The following CMSS1 variants were observed in gnomAD, a reference collection of about 807,000 sequenced individuals.
CMSS1 encodes protein CMSS1.
A neutral mutation model predicts 43.5 loss-of-function variants in CMSS1; 33 were observed. The observed-to-expected ratio is 0.76, with a 90% CI of 0.57 to 1.01. The LOEUF (loss-of-function observed/expected upper bound fraction) is 1.01, where lower values mean the gene tolerates loss of function less well. Ranked by LOEUF, CMSS1 falls within the 50% of genes least tolerant of loss-of-function variation. The pLI is 0.00. For synonymous variants in CMSS1, 115 were observed against 117.2 expected (o/e 0.98, Z 0.12); for missense variants, 313 against 326.4 (o/e 0.96, Z 0.32).
intron 1 of CMSS1, among the ~76,000 whole-genome samples, chr3:99,963,586 A>T (rs930949785): frequency 6.6e-6 from 1 of 152,114 alleles, no homozygotes; most frequent in Non-Finnish European, 1.5e-5. Flanking sequence ...CTTTGCCTTG[A>T]TGGTGTTACC....
intron 2 of CMSS1, among the ~76,000 whole-genome samples, chr3:100,155,937 T>A (rs2066968307): frequency 6.6e-6 from 1 of 152,212 alleles, no homozygotes; most frequent in African/African-American, 2.4e-5. Flanking sequence ...GAATCTTCTT[T>A]GCCCATGATT....
At position 99,817,985 on chromosome 3, in the gene CMSS1, A is replaced by C; in HGVS notation, c.6A>C (p.Ala2=). 1 of 1,614,066 alleles carries C rather than the reference A, an allele frequency of 6.2e-7. No homozygotes were observed. Among genetic ancestry groups the C allele is most frequent in the Non-Finnish European group, 8.5e-7 (1 of 1,180,000 alleles). ...ACGTCGAGACCTGAGCTGAAATGGC[A>C]GACGATCTCGGAGACGAGTGGTGGG... M[A]DDLGDEWWEN... is the part of the protein sequence containing the mutation. Residue 2 remains alanine (A), a synonymous_variant, in exon 1 of 10, where the codon GCA becomes GCC. Coordinates refer to ENST00000421999, the MANE Select transcript of CMSS1 (RefSeq NM_032359.4).
intron 1 of CMSS1, among the ~76,000 whole-genome samples, chr3:99,903,822 C>A (rs1237742439): frequency 2.0e-5 from 3 of 152,128 alleles, no homozygotes; most frequent in Non-Finnish European, 4.4e-5. Context: ...CTACACAATG[C>A]TCTTTTCTTA....
intron 1 of CMSS1, among the ~76,000 whole-genome samples, chr3:99,893,358 G>A (rs559119570): frequency 6.6e-6 from 1 of 151,984 alleles, no homozygotes; most frequent in Non-Finnish European, 1.5e-5. Flanking sequence ...GTGGAGACGG[G>A]GTTTCACTGT....
chr3:100,078,566 C>T (rs965304809), intron 1 of CMSS1, among the ~76,000 whole-genome samples: 1 of 151,858 alleles, frequency 6.6e-6, no homozygotes, highest in Non-Finnish European at 1.5e-5. Context: ...TAAAATACAC[C>T]AACACTAGCG....
intron 1 of CMSS1, among the ~76,000 whole-genome samples, chr3:99,877,046 C>T (rs1191286390): frequency 6.6e-6 from 1 of 152,146 alleles, no homozygotes; most frequent in East Asian, 1.9e-4. Flanking sequence ...AGAATATTAT[C>T]CTCTAGTATG....
chr3:99,991,796 A>T (rs952536740), intron 1 of CMSS1, among the ~76,000 whole-genome samples: 2 of 151,464 alleles, frequency 1.3e-5, no homozygotes, highest in Admixed American at 6.6e-5. Context: ...CTTTTTCTAA[A>T]GCCAGTAAAT....
At chr3:100,049,232 C>A (rs1185989581) in intron 1 of CMSS1, among the ~76,000 whole-genome samples, 1 of 152,114 alleles carries the variant, frequency 6.6e-6, no homozygotes, top group African/African-American at 2.4e-5. Flanking sequence ...ATCATGGTAA[C>A]AAATAAACTG....
chr3:99,906,928 A>C (rs1472224874), intron 1 of CMSS1, among the ~76,000 whole-genome samples: 1 of 152,248 alleles, frequency 6.6e-6, no homozygotes, highest in Non-Finnish European at 1.5e-5. Context: ...CATGTGGATG[A>C]AGACAACTCT....
At chr3:99,977,447 G>A (rs902342285) in intron 1 of CMSS1, among the ~76,000 whole-genome samples, 1 of 152,166 alleles carries the variant, frequency 6.6e-6, no homozygotes, top group Non-Finnish European at 1.5e-5. Flanking sequence ...ATGGGCAATA[G>A]AAGTGGAGTC....
At chr3:99,845,158 G>T (rs541851896) in intron 1 of CMSS1, among the ~76,000 whole-genome samples, 1 of 152,140 alleles carries the variant, frequency 6.6e-6, no homozygotes, top group Non-Finnish European at 1.5e-5. Flanking sequence ...TTTCTTATGT[G>T]TACAGATTCA....
chr3:99,974,497 G>A (rs1050012826), intron 1 of CMSS1, among the ~76,000 whole-genome samples: 1 of 152,158 alleles, frequency 6.6e-6, no homozygotes, highest in Non-Finnish European at 1.5e-5. Context: ...ATCACCTGAG[G>A]TCAGGAGTTC....
chr3:100,078,071 C>T lies in CMSS1; in HGVS notation c.65-68902C>T, dbSNP rs575057374. Among the ~76,000 whole-genome samples, 169 of 150,080 alleles carry T rather than the reference C, an allele frequency of 1.1e-3. 1 individual carries two copies. The highest frequency in any genetic ancestry group is 1.8e-3 in the Non-Finnish European group (119 of 67,674). Reference sequence around the variant, plus strand: ...ATCCTATTTATAAGTTAGAATTGGGCTTGCTTTAAAAAAAAAAAAGATAAT... The same window carrying T: ...ATCCTATTTATAAGTTAGAATTGGGTTTGCTTTAAAAAAAAAAAAGATAAT... On this transcript the variant is annotated intron_variant, in intron 1 of 9. Transcript: ENST00000421999.
chr3:100,081,777 T>C (rs1319855366), intron 1 of CMSS1, among the ~76,000 whole-genome samples: 1 of 152,214 alleles, frequency 6.6e-6, no homozygotes, highest in Non-Finnish European at 1.5e-5. Flanking sequence ...TCTTAGTTGT[T>C]TTAGAGCCAG....
chr3:100,040,825 G>A (rs2065192463), intron 1 of CMSS1: 1 of 152,190 alleles, frequency 6.6e-6, no homozygotes, highest in Non-Finnish European at 1.5e-5. Flanking sequence ...GATCATTAGG[G>A]CTGCAAAGGG....
intron 1 of CMSS1, chr3:99,830,038 A>G (rs1942621231): frequency 6.5e-6 from 1 of 153,028 alleles, no homozygotes; most frequent in South Asian, 2.1e-4. Context: ...TTAGCAAAAT[A>G]TGATTAATCA....
chr3:100,039,927 G>C (rs576489568), intron 1 of CMSS1: 1 of 151,968 alleles, frequency 6.6e-6, no homozygotes, highest in African/African-American at 2.4e-5. Flanking sequence ...CTAATTTTTT[G>C]TATTTTTAGT....
intron 1 of CMSS1, among the ~76,000 whole-genome samples, chr3:100,103,806 T>A (rs773348643): frequency 6.6e-6 from 1 of 152,194 alleles, no homozygotes; most frequent in Non-Finnish European, 1.5e-5. Context: ...TGCATTAAGA[T>A]AAATCTGTCT....
At chr3:99,911,600 T>G (rs1397762604) in intron 1 of CMSS1, among the ~76,000 whole-genome samples, 1 of 152,156 alleles carries the variant, frequency 6.6e-6, no homozygotes, top group Non-Finnish European at 1.5e-5. Flanking sequence ...ATCTTTTTAA[T>G]GTACCTGTGA....
Sources: gnomAD v4.1 joint callset for allele counts (sites outside exome capture counted in the v4.1 genomes callset) on GRCh38, gnomAD v4.1.1 for gene constraint, MANE v1.5 for transcripts, NCBI Gene and HGNC (gene_info 2026-07-23, HGNC 2026-07-21) for gene names.